The following SNTB2 variants were observed in gnomAD, a reference collection of about 807,000 sequenced individuals.
The protein encoded by SNTB2 is beta-2-syntrophin.
In SNTB2, 34 loss-of-function variants were observed where a neutral mutation model predicts 46.2. That is an observed-to-expected ratio of 0.74 (90% CI 0.56 to 0.98). The LOEUF is 0.98. Among genes scored for constraint, SNTB2 ranks in the 50% least tolerant of loss-of-function variants. The probability of loss-of-function intolerance (pLI) is 0.00; values close to 1 mark genes in which losing one functional copy is unlikely to be tolerated. For missense variants in SNTB2, 603 were observed against 731.4 expected (o/e 0.82, Z 2.02); for synonymous variants, 290 against 312.6 (o/e 0.93, Z 0.76).
At chr16:69,296,073 A>T (rs1429434227) in intron 5 of SNTB2, among the ~76,000 whole-genome samples, 1 of 151,792 alleles carries the variant, frequency 6.6e-6, no homozygotes, top group East Asian at 1.9e-4. Context: ...TGAGGTCGGG[A>T]GTTCGAGACC....
intron 1 of SNTB2, among the ~76,000 whole-genome samples, chr16:69,237,595 C>CT (rs1964570049): frequency 8.2e-6 from 1 of 121,236 alleles, no homozygotes; most frequent in African/African-American, 3.6e-5. Context: ...TTCTTTCTTT[C>CT]TTTCTTTCTT....
intron 1 of SNTB2, among the ~76,000 whole-genome samples, chr16:69,196,058 C>T (rs116671707): frequency 0.017 from 2,621 of 152,140 alleles, 80 homozygotes; most frequent in African/African-American, 0.059. Flanking sequence ...CACAACATGG[C>T]GAGACCCTGT....
chr16:69,246,004 T>G (rs1371583444), intron 2 of SNTB2, among the ~76,000 whole-genome samples, 189 bp downstream of exon 2: 1 of 152,192 alleles, frequency 6.6e-6, no homozygotes, highest in Non-Finnish European at 1.5e-5. Context: ...GAAAAAATTT[T>G]GAACAGACAC....
chr16:69,212,434 G>A (rs773246878), intron 1 of SNTB2, among the ~76,000 whole-genome samples: 1 of 152,076 alleles, frequency 6.6e-6, no homozygotes, highest in African/African-American at 2.4e-5. Flanking sequence ...TGCCTCCCGG[G>A]TTCAAGCGAT....
chr16:69,282,413 C>A, intron 4 of SNTB2, among the ~76,000 whole-genome samples: 1 of 151,506 alleles, frequency 6.6e-6, no homozygotes, highest in Admixed American at 6.6e-5. Context: ...GTGGGTTTGT[C>A]TCTGGGCTGT....
intron 1 of SNTB2, among the ~76,000 whole-genome samples, chr16:69,218,458 G>A (rs558104502): frequency 1.4e-5 from 2 of 142,820 alleles, no homozygotes; most frequent in South Asian, 2.2e-4. Flanking sequence ...GTATCACTTT[G>A]TTGCCCAGGC....
chr16:69,245,558 G>A (rs1405431870), intron 1 of SNTB2, 44 bp from the exon 2 acceptor site: 3 of 1,568,878 alleles, frequency 1.9e-6, no homozygotes, highest in Non-Finnish European at 2.6e-6. Context: ...TTTATTATAG[G>A]AAGCAAAATT....
intron 5 of SNTB2, among the ~76,000 whole-genome samples, chr16:69,287,708 A>C (rs1965117967): frequency 6.6e-6 from 1 of 151,886 alleles, no homozygotes; most frequent in Non-Finnish European, 1.5e-5. Context: ...AAAATACAAA[A>C]ATTAGCTGAG....
intron 1 of SNTB2, among the ~76,000 whole-genome samples, chr16:69,222,134 C>A (rs1964411333): frequency 6.6e-6 from 1 of 152,160 alleles, no homozygotes; most frequent in Non-Finnish European, 1.5e-5. Flanking sequence ...TTTATGGCAT[C>A]GTTTTAAATT....
chr16:69,268,874 A>T (rs944550008), intron 3 of SNTB2, among the ~76,000 whole-genome samples: 1 of 149,248 alleles, frequency 6.7e-6, no homozygotes. Flanking sequence ...CAAAAAAAAA[A>T]TAATAACACT....
intron 3 of SNTB2, among the ~76,000 whole-genome samples, chr16:69,268,558 A>G (rs548707406): frequency 1.3e-5 from 2 of 152,214 alleles, no homozygotes; most frequent in East Asian, 1.9e-4. Context: ...GGTTAATACA[A>G]TTTTTAAAAA....
intron 2 of SNTB2, among the ~76,000 whole-genome samples, chr16:69,254,684 A>G (rs1964756481): frequency 1.3e-5 from 2 of 152,212 alleles, no homozygotes; most frequent in Non-Finnish European, 2.9e-5. Context: ...TGGTATCCCA[A>G]ATATACAGAG....
At chr16:69,200,782 T>A (rs1964153504) in intron 1 of SNTB2, among the ~76,000 whole-genome samples, 3 of 152,232 alleles carry the variant, frequency 2.0e-5, no homozygotes, top group African/African-American at 7.2e-5. Context: ...CCCAAATTTC[T>A]GGGATTACAG....
intron 1 of SNTB2, among the ~76,000 whole-genome samples, chr16:69,229,245 C>T (rs1037389464): frequency 2.0e-5 from 3 of 152,138 alleles, no homozygotes; most frequent in African/African-American, 7.2e-5. Context: ...GATCAAGACA[C>T]TGTAGCCTCA....
intron 4 of SNTB2, among the ~76,000 whole-genome samples, chr16:69,274,652 CA>C (rs758148568): frequency 2.1e-3 from 138 of 66,738 alleles, no homozygotes; most frequent in Admixed American, 2.3e-3. Flanking sequence ...GACTCCATCT[CA>C]AAAAAAAAAA....
At chr16:69,256,834 G>A (rs1341123953) in intron 2 of SNTB2, among the ~76,000 whole-genome samples, 1 of 152,062 alleles carries the variant, frequency 6.6e-6, no homozygotes, top group Admixed American at 6.6e-5. Context: ...TGATCATGTT[G>A]CCCTCCTGTT....
chr16:69,203,174 C>T (rs1026491531), intron 1 of SNTB2, among the ~76,000 whole-genome samples: 7 of 152,074 alleles, frequency 4.6e-5, no homozygotes, highest in Admixed American at 2.6e-4. Flanking sequence ...CCCACCACCA[C>T]GCCTGGCTAA....
intron 2 of SNTB2, among the ~76,000 whole-genome samples, chr16:69,257,401 G>A (rs1287727681): frequency 6.7e-6 from 1 of 150,322 alleles, no homozygotes; most frequent in Non-Finnish European, 1.5e-5. Flanking sequence ...AAGCCCTTTG[G>A]CTGTTCATGA....
At chr16:69,278,581 G>A (rs1357303564) in intron 4 of SNTB2, among the ~76,000 whole-genome samples, 2 of 151,200 alleles carry the variant, frequency 1.3e-5, no homozygotes, top group African/African-American at 2.4e-5. Context: ...TCAGCCTCCC[G>A]AGTAGCTGGA....
Sources: allele counts gnomAD v4.1 joint callset (sites outside exome capture counted in the v4.1 genomes callset), GRCh38; gene constraint gnomAD v4.1.1; transcripts MANE v1.5; gene names NCBI Gene and HGNC (gene_info 2026-07-23, HGNC 2026-07-21).